Variants in ITFG1 observed in about 807,000 individuals in gnomAD.
ITFG1 encodes the protein integrin alpha FG-GAP repeat containing 1.
A neutral mutation model predicts 81.8 loss-of-function variants in ITFG1; 34 were observed. That is an observed-to-expected ratio of 0.42 (90% confidence interval 0.32 to 0.55). The LOEUF (loss-of-function observed/expected upper bound fraction) is 0.55. ITFG1 is among the 20% of genes least tolerant of loss of function. ITFG1 has a pLI of 0.17. For synonymous variants in ITFG1, 285 were observed against 270.6 expected, an observed-to-expected ratio of 1.05 and a Z score of -0.52; for missense variants, 672 against 755.4, an observed-to-expected ratio of 0.89 and a Z score of 1.29.
intron 5 of ITFG1, among the ~76,000 whole-genome samples, chr16:47,429,943 C>A (rs1471245684): frequency 6.6e-6 from 1 of 151,604 alleles, no homozygotes; most frequent in Non-Finnish European, 1.5e-5. Context: ...ATTATAAGAC[C>A]ATTACCCTCA....
chr16:47,307,068 T>C lies in ITFG1; in HGVS notation c.1070+4172A>G, dbSNP rs547171117. 6.9e-4 allele frequency among the ~76,000 whole-genome samples: 68 copies of C among 99,012 alleles called. 1 individual carries two copies. Among genetic ancestry groups the C allele is most frequent in the Admixed American group, 1.3e-3 (8 of 6,092 alleles). 65.0% of individuals were successfully genotyped at this position (99,012 alleles called of 152,430 possible). On this transcript the variant is annotated intron_variant, in intron 10 of 17. Coordinates refer to ENST00000320640, the MANE Select transcript of ITFG1 (RefSeq NM_030790.5). ...GAGATTGCGCCACTGCACTCCAGCC[T>C]GGGTGACAGAGCAAAACTCCGTCTC... is the stretch of plus-strand genomic sequence containing the variant.
chr16:47,196,981 G>T (rs1309416331), intron 14 of ITFG1, among the ~76,000 whole-genome samples: 1 of 152,034 alleles, frequency 6.6e-6, no homozygotes, highest in Non-Finnish European at 1.5e-5. Flanking sequence ...AGATCCTAAG[G>T]CTGACAAAAC....
chr16:47,259,665 TTACAAGGA>T (rs1248650514), intron 11 of ITFG1, among the ~76,000 whole-genome samples: 3 of 152,192 alleles, frequency 2.0e-5, no homozygotes, highest in African/African-American at 7.2e-5. Flanking sequence ...ATAAATTATC[TTACAAGGA>T]TATACTGTGA....
In ITFG1 at chr16:47,414,120, C is replaced by G. The variant is rs181360605; in HGVS notation, c.655+14684G>C. Among the ~76,000 whole-genome samples, 10 of 152,036 alleles carry G rather than the reference C, an allele frequency of 6.6e-5. No individual in the cohort carries two copies. The East Asian group carries it at 1.5e-3, about 24-fold the overall frequency. On this transcript the variant is annotated intron_variant, in intron 6 of 17. Transcript: ENST00000320640. ...ACAGGCGTGAGCCACCACGCCCAGC[C>G]GAGATGTACTTATAAAAAGGTTTAA...
chr16:47,158,795 T>C, intron 17 of ITFG1, 78 bp downstream of exon 17: 1 of 649,110 alleles, frequency 1.5e-6, no homozygotes, highest in Non-Finnish European at 2.6e-6. Context: ...TTAAAATAAA[T>C]ATAGTGTTTT....
At chr16:47,283,561 T>C (rs993767691) in intron 10 of ITFG1, among the ~76,000 whole-genome samples, 6 of 152,184 alleles carry the variant, frequency 3.9e-5, no homozygotes, top group Non-Finnish European at 7.4e-5. Flanking sequence ...ACTGTGAAAT[T>C]TGAAGACAGA....
intron 12 of ITFG1, among the ~76,000 whole-genome samples, chr16:47,257,146 C>A (rs1363448731): frequency 6.6e-6 from 1 of 152,150 alleles, no homozygotes; most frequent in Non-Finnish European, 1.5e-5. Flanking sequence ...AATGAAAATT[C>A]TAGCCAGCAC....
At chr16:47,392,673 T>C (rs948230068) in intron 6 of ITFG1, among the ~76,000 whole-genome samples, 8 of 152,190 alleles carry the variant, frequency 5.3e-5, no homozygotes, top group East Asian at 3.8e-4. Flanking sequence ...TCACCATTTA[T>C]AGTAAGTTGA....
At chr16:47,320,927 A>C in intron 8 of ITFG1, among the ~76,000 whole-genome samples, 1 of 152,234 alleles carries the variant, frequency 6.6e-6, no homozygotes, top group Non-Finnish European at 1.5e-5. Context: ...TGAAACTAAC[A>C]ATTTAGAATT....
intron 17 of ITFG1, among the ~76,000 whole-genome samples, chr16:47,158,459 C>T (rs1285777687): frequency 6.6e-6 from 1 of 152,184 alleles, no homozygotes; most frequent in Non-Finnish European, 1.5e-5. Flanking sequence ...TCTTTTCACT[C>T]TAATTCTTTT....
intron 5 of ITFG1, among the ~76,000 whole-genome samples, chr16:47,451,100 T>A (rs1969382768): frequency 6.6e-6 from 1 of 152,174 alleles, no homozygotes; most frequent in African/African-American, 2.4e-5. Context: ...ACTGCAGGTA[T>A]CCTCCCTATT....
intron 6 of ITFG1, among the ~76,000 whole-genome samples, chr16:47,414,009 C>G (rs1461085862): frequency 6.6e-6 from 1 of 151,622 alleles, no homozygotes; most frequent in Non-Finnish European, 1.5e-5. Flanking sequence ...TTAGTAGAGT[C>G]GGGGTTTCAC....
intron 8 of ITFG1, among the ~76,000 whole-genome samples, chr16:47,314,448 T>C (rs1967320131): frequency 6.6e-6 from 1 of 152,214 alleles, no homozygotes; most frequent in Admixed American, 6.6e-5. Context: ...CTCAACACTC[T>C]GGCTTCTTAA....
intron 10 of ITFG1, among the ~76,000 whole-genome samples, chr16:47,306,822 C>T (rs550770578): frequency 5.3e-5 from 8 of 151,936 alleles, no homozygotes; most frequent in East Asian, 1.9e-4. Context: ...AGGCCGGGCG[C>T]GGTGGCTCAC....
chr16:47,183,356 AC>A (rs977600018), intron 14 of ITFG1, among the ~76,000 whole-genome samples: 1 of 152,138 alleles, frequency 6.6e-6, no homozygotes, highest in Non-Finnish European at 1.5e-5. Flanking sequence ...GACAGCAGTA[AC>A]CTCTGCAGAC....
chr16:47,380,716 A>C (rs1968385925), intron 6 of ITFG1, among the ~76,000 whole-genome samples: 1 of 152,162 alleles, frequency 6.6e-6, no homozygotes, highest in Non-Finnish European at 1.5e-5. Context: ...AAGTGGCAGC[A>C]ATTCATTTAC....
chr16:47,296,867 A>G, intron 10 of ITFG1, among the ~76,000 whole-genome samples: 1 of 152,194 alleles, frequency 6.6e-6, no homozygotes, highest in Admixed American at 6.5e-5. Context: ...CATATGGTCT[A>G]TTTTGGAGAA....
At chr16:47,179,653 T>G (rs1416372248) in intron 14 of ITFG1, among the ~76,000 whole-genome samples, 6 of 152,040 alleles carry the variant, frequency 3.9e-5, no homozygotes, top group Non-Finnish European at 8.8e-5. Context: ...AAAAAAGAAA[T>G]AAGCTGTCTT....
chr16:47,350,059 A>C (rs1967927250), intron 8 of ITFG1, among the ~76,000 whole-genome samples: 1 of 152,240 alleles, frequency 6.6e-6, no homozygotes, highest in South Asian at 2.1e-4. Flanking sequence ...GGACACATTC[A>C]AAGCAGTGTG....
Sources: gnomAD v4.1 joint callset for allele counts (sites outside exome capture counted in the v4.1 genomes callset) on GRCh38, gnomAD v4.1.1 for gene constraint, MANE v1.5 for transcripts, NCBI Gene and HGNC (gene_info 2026-07-23, HGNC 2026-07-21) for gene names.